C1orf94: variants seen among roughly 807,000 people sequenced by gnomAD.
The protein encoded by C1orf94 is chromosome 1 open reading frame 94.
In C1orf94, 45 loss-of-function variants were observed where a neutral mutation model predicts 53.6. The ratio of observed to expected loss-of-function variants is 0.84; its 90% CI spans 0.66 to 1.08. C1orf94 has a LOEUF of 1.08. C1orf94 is among the 50% of genes least tolerant of loss of function. The pLI is 0.00. For synonymous variants in C1orf94, 304 were observed against 296.1 expected (o/e 1.03, Z -0.27); for missense variants, 762 against 738.9 (o/e 1.03, Z -0.36).
chr1:34,205,137 G>A (rs1305209649), intron 4 of C1orf94, among the ~76,000 whole-genome samples: 1 of 152,160 alleles, frequency 6.6e-6, no homozygotes, highest in Non-Finnish European at 1.5e-5. Context: ...ATCATTTTCT[G>A]AGCATGACGG....
chr1:34,206,465 A>C (rs1306473252), intron 4 of C1orf94, among the ~76,000 whole-genome samples: 7 of 152,260 alleles, frequency 4.6e-5, no homozygotes, highest in Non-Finnish European at 1.0e-4. Context: ...AAAAATGGTG[A>C]CATGGAATGC....
At chr1:34,196,647 A>G (rs1241200163) in intron 1 of C1orf94, among the ~76,000 whole-genome samples, 1 of 152,116 alleles carries the variant, frequency 6.6e-6, no homozygotes, top group Non-Finnish European at 1.5e-5. Flanking sequence ...AGAGGAGGAG[A>G]CAGAATACCA....
At chr1:34,167,983 C>T (rs1642077004) in intron 1 of C1orf94, among the ~76,000 whole-genome samples, 2 of 152,078 alleles carry the variant, frequency 1.3e-5, no homozygotes, top group South Asian at 4.2e-4. Flanking sequence ...GTGCACAGTC[C>T]CTGACTTGAT....
upstream of C1orf94, among the ~76,000 whole-genome samples, chr1:34,175,134 C>T (rs1323114613): frequency 6.6e-6 from 1 of 151,746 alleles, no homozygotes; most frequent in Non-Finnish European, 1.5e-5. Context: ...CTAGAAATCT[C>T]GTCTGTGCAC....
At chr1:34,190,818 C>T (rs1035929424) in intron 1 of C1orf94, among the ~76,000 whole-genome samples, 1 of 152,228 alleles carries the variant, frequency 6.6e-6, no homozygotes, top group African/African-American at 2.4e-5. Context: ...CTGTACCTAT[C>T]TGTGACAGGA....
In C1orf94 at chr1:34,219,020, A is replaced by G. The variant is rs1061074; in HGVS notation, c.*259A>G. 0.77 allele frequency: 237,627 copies of G among 307,950 alleles called. 92,033 individuals are homozygous for G. Among genetic ancestry groups the G allele is most frequent in the South Asian group, 0.87 (5,573 of 6,376 alleles). 19.1% of individuals were successfully genotyped at this position (307,950 alleles called of 1,614,324 possible). A position where few individuals can be genotyped will look rare whatever the true frequency, so the allele number is the denominator to read the frequency against. On this transcript the variant is annotated 3_prime_UTR_variant, in exon 7 of 7. Coordinates refer to ENST00000488417, the MANE Select transcript of C1orf94 (RefSeq NM_001134734.2). ...TGCTTGCTCAACCACTTATGCATCT[A>G]TATTTAGCTAACATGAGTGATTTTT...
At chr1:34,182,386 A>G (rs544773953) in intron 1 of C1orf94, among the ~76,000 whole-genome samples, 3 of 152,262 alleles carry the variant, frequency 2.0e-5, no homozygotes, top group Non-Finnish European at 4.4e-5. Flanking sequence ...TCCACATGTT[A>G]TGGAACACTT....
chr1:34,194,955 G>A (rs1642555923), intron 1 of C1orf94, among the ~76,000 whole-genome samples: 2 of 152,006 alleles, frequency 1.3e-5, no homozygotes, highest in African/African-American at 4.8e-5. Context: ...AAGAGGAGGG[G>A]GATCTAAAAC....
intron 1 of C1orf94, among the ~76,000 whole-genome samples, chr1:34,190,666 C>G (rs535051486): frequency 3.3e-5 from 5 of 152,318 alleles, no homozygotes; most frequent in African/African-American, 9.6e-5. Context: ...TTTTTTAGAG[C>G]AACATAGCTA....
chr1:34,215,353 G>C (rs1389369090), intron 6 of C1orf94, among the ~76,000 whole-genome samples: 1 of 152,256 alleles, frequency 6.6e-6, no homozygotes, highest in African/African-American at 2.4e-5. Context: ...GGCATGGCTA[G>C]AAGTCTTGTT....
At chr1:34,200,437 C>T (rs1642683478) in intron 2 of C1orf94, among the ~76,000 whole-genome samples, 1 of 151,710 alleles carries the variant, frequency 6.6e-6, no homozygotes. Flanking sequence ...GGAAGGAAGG[C>T]AGGAAGATAA....
At chr1:34,196,660 A>T (rs1184008016) in intron 1 of C1orf94, among the ~76,000 whole-genome samples, 1 of 152,164 alleles carries the variant, frequency 6.6e-6, no homozygotes, top group African/African-American at 2.4e-5. Context: ...GAATACCAAG[A>T]TGCTGAACAA....
chr1:34,171,567 A>T (rs1642145794), intron 1 of C1orf94, among the ~76,000 whole-genome samples: 1 of 152,212 alleles, frequency 6.6e-6, no homozygotes, highest in South Asian at 2.1e-4. Flanking sequence ...TCCTTAAAGA[A>T]ATGCCTCCAC....
intron 1 of C1orf94, among the ~76,000 whole-genome samples, chr1:34,188,751 C>T (rs914041208): frequency 9.2e-5 from 14 of 152,076 alleles, no homozygotes; most frequent in Admixed American, 4.6e-4. Flanking sequence ...GGTGGGGAGG[C>T]CAAAGCTTTC....
At chr1:34,206,494 T>G (rs1325693411) in intron 4 of C1orf94, among the ~76,000 whole-genome samples, 1 of 152,246 alleles carries the variant, frequency 6.6e-6, no homozygotes, top group Non-Finnish European at 1.5e-5. Context: ...GAGATCTTTG[T>G]GTATGATGCC....
At chr1:34,209,889 G>GA (rs1425937811) in intron 5 of C1orf94, among the ~76,000 whole-genome samples, 1 of 152,106 alleles carries the variant, frequency 6.6e-6, no homozygotes, top group African/African-American at 2.4e-5. Context: ...GTATGTATTT[G>GA]AAAAAAGTAA....
intron 1 of C1orf94, among the ~76,000 whole-genome samples, chr1:34,169,302 G>T (rs1642102561): frequency 6.6e-6 from 1 of 152,096 alleles, no homozygotes; most frequent in East Asian, 1.9e-4. Context: ...GGAGAGTGTG[G>T]GTCTCAGCCC....
Position 34,191,625 on chromosome 1 carries a change from G to A in C1orf94, c.321-5600G>A, listed in dbSNP as rs1034766804. Among the ~76,000 whole-genome samples, 12 of 152,254 alleles carry A rather than the reference G, an allele frequency of 7.9e-5. 1 individual carries two copies. The South Asian group carries it at 8.3e-4, about 11-fold the overall frequency. On this transcript the variant is annotated intron_variant, in intron 1 of 6. Transcript: ENST00000488417. ...AGAGCCCTCCACTTCACTCTAATCCGCCAGGTTGCCTTGGGTACTGTGTTT... is the reference window on the plus strand; with the variant it reads ...AGAGCCCTCCACTTCACTCTAATCCACCAGGTTGCCTTGGGTACTGTGTTT...
rs3795411 is a variant in C1orf94 at position 34,197,543 on chromosome 1, C to T, written c.639C>T (p.Ala213=). Residue 213 remains alanine (A), a synonymous_variant, in exon 2 of 7, where the codon GCC becomes GCT. Coordinates refer to ENST00000488417, the MANE Select transcript of C1orf94 (RefSeq NM_001134734.2). This position sits in a 1 kb window ranked among gnomAD's most constrained non-coding sequence, Gnocchi z 4.1. ...ATSTVTDILC[A]AEVKSSKGTE... ...CTACTGTCACAGACATTCTGTGTGC[C>T]GCCGAGGTCAAGAGCAGCAAGGGGA... The T allele has an allele frequency of 4.4e-3, 7,175 of 1,614,088 alleles. 294 individuals are homozygous for T. In the Admixed American group the frequency reaches 0.077, roughly 17 times the overall value.
Sources: gnomAD v4.1 joint callset for allele counts (sites outside exome capture counted in the v4.1 genomes callset) on GRCh38, gnomAD v4.1.1 for gene constraint, Gnocchi (gnomAD v3.1) non-coding constraint, MANE v1.5 for transcripts, NCBI Gene and HGNC (gene_info 2026-07-23, HGNC 2026-07-21) for gene names.